The following SNW1 variants were observed in gnomAD, a reference collection of about 807,000 sequenced individuals.
SNW1 encodes the protein SNW domain containing 1.
SNW1 carries 9 observed loss-of-function variants against 75.6 expected under a neutral mutation model. The ratio of observed to expected loss-of-function variants is 0.12; its 90% CI spans 0.07 to 0.21. The LOEUF (loss-of-function observed/expected upper bound fraction) is 0.21, where lower values mean the gene tolerates loss of function less well. Among genes scored for constraint, SNW1 ranks in the 10% least tolerant of loss-of-function variants. The pLI, the probability that SNW1 is intolerant of heterozygous loss-of-function variation, is 1.00. For missense variants in SNW1, 409 were observed against 670.9 expected (o/e 0.61, Z 4.31); for synonymous variants, 200 against 219.1 (o/e 0.91, Z 0.77).
At chr14:77,756,209 C>T (rs1430882253) in intron 1 of SNW1, among the ~76,000 whole-genome samples, 2 of 151,986 alleles carry the variant, frequency 1.3e-5, no homozygotes, top group African/African-American at 2.4e-5. Flanking sequence ...AAACCTCTGT[C>T]GCCTGGATTC....
chr14:77,719,620 G>A (rs952147290), intron 12 of SNW1, among the ~76,000 whole-genome samples: 6 of 149,090 alleles, frequency 4.0e-5, no homozygotes, highest in African/African-American at 9.9e-5. Flanking sequence ...CAGCCTGGGC[G>A]ACAGAGTGGG....
At chr14:77,751,735 T>C (rs540174299) in intron 2 of SNW1, among the ~76,000 whole-genome samples, 1 of 150,948 alleles carries the variant, frequency 6.6e-6, no homozygotes, top group South Asian at 2.1e-4. Flanking sequence ...GATAGGGTGG[T>C]TGGGGACAGC....
At chr14:77,732,229 T>C (rs1477376008) in intron 9 of SNW1, among the ~76,000 whole-genome samples, 1 of 152,096 alleles carries the variant, frequency 6.6e-6, no homozygotes, top group Admixed American at 6.5e-5. Flanking sequence ...CTTCAAAAAA[T>C]GGGATCATCC....
intron 1 of SNW1, among the ~76,000 whole-genome samples, chr14:77,755,720 CTTCCGTAT>C (rs887913502): frequency 2.0e-5 from 3 of 150,598 alleles, no homozygotes; most frequent in Non-Finnish European, 3.0e-5. Flanking sequence ...CCTGGCCATG[CTTCCGTAT>C]TTCCATATTT....
intron 1 of SNW1, 82 bp from the exon 2 acceptor site, chr14:77,755,202 A>AGG (rs2080835253): frequency 1.6e-6 from 2 of 1,250,208 alleles, no homozygotes; most frequent in Non-Finnish European, 2.2e-6. Context: ...CACAGAGACA[A>AGG]TTTTTCCTAC....
chr14:77,718,562 T>G, intron 12 of SNW1, 32 bp from the exon 13 acceptor site: 1 of 1,394,884 alleles, frequency 7.2e-7, no homozygotes, highest in East Asian at 2.3e-5. Flanking sequence ...TAAATAAAAG[T>G]GTAAACATTG....
At chr14:77,745,091 C>A (rs2080751467) in intron 3 of SNW1, among the ~76,000 whole-genome samples, 1 of 152,110 alleles carries the variant, frequency 6.6e-6, no homozygotes, top group Non-Finnish European at 1.5e-5. Context: ...AATATATAAT[C>A]CCTGCCCTTA....
intron 3 of SNW1, among the ~76,000 whole-genome samples, chr14:77,741,096 CAAAAAAA>C (rs60307573): frequency 3.4e-5 from 3 of 87,304 alleles, no homozygotes; most frequent in Admixed American, 1.4e-4. Flanking sequence ...AAACTGTCTC[CAAAAAAA>C]AAAAAAAAAA....
chr14:77,737,813 G>A (rs2080684830), intron 5 of SNW1, among the ~76,000 whole-genome samples: 1 of 151,886 alleles, frequency 6.6e-6, no homozygotes, highest in African/African-American at 2.4e-5. Flanking sequence ...CCAACGTGGT[G>A]AAACCCTGTC....
chr14:77,747,558 G>C (rs1329197490), intron 3 of SNW1, among the ~76,000 whole-genome samples: 2 of 151,622 alleles, frequency 1.3e-5, no homozygotes, highest in Non-Finnish European at 2.9e-5. Context: ...GAGCACCTCT[G>C]CCCAGCCGGG....
At chr14:77,745,352 G>A (rs1209740752) in intron 3 of SNW1, among the ~76,000 whole-genome samples, 1 of 152,188 alleles carries the variant, frequency 6.6e-6, no homozygotes. Context: ...GAGAGAATGT[G>A]TCATATTATG....
intron 2 of SNW1, among the ~76,000 whole-genome samples, chr14:77,754,205 TGGC>T (rs1489959978): frequency 1.8e-4 from 28 of 151,424 alleles, no homozygotes; most frequent in African/African-American, 6.8e-4. Flanking sequence ...CCACCACACC[TGGC>T]TAATTTTGTA....
intron 3 of SNW1, among the ~76,000 whole-genome samples, chr14:77,740,961 G>T (rs2080713605): frequency 6.6e-6 from 1 of 151,850 alleles, no homozygotes; most frequent in Admixed American, 6.6e-5. Flanking sequence ...ACCAGGCATG[G>T]TGGTGGGTGC....
chr14:77,741,456 T>C (rs1168387143), intron 3 of SNW1, among the ~76,000 whole-genome samples: 1 of 152,190 alleles, frequency 6.6e-6, no homozygotes, highest in Non-Finnish European at 1.5e-5. Flanking sequence ...CTCATGGCTA[T>C]ACACTAAAAT....
chr14:77,719,326 T>C (rs1198939198), intron 12 of SNW1, among the ~76,000 whole-genome samples: 1 of 152,150 alleles, frequency 6.6e-6, no homozygotes, highest in Non-Finnish European at 1.5e-5. Context: ...TAAGTTGCCA[T>C]TGTATAGTGG....
chr14:77,734,706 C>A (rs1438033933), intron 8 of SNW1, among the ~76,000 whole-genome samples: 1 of 151,602 alleles, frequency 6.6e-6, no homozygotes, highest in African/African-American at 2.4e-5. Context: ...CCACCGTACT[C>A]CAGCCTAGTG....
intron 3 of SNW1, among the ~76,000 whole-genome samples, chr14:77,750,557 T>C (rs2080799351): frequency 6.6e-6 from 1 of 152,146 alleles, no homozygotes; most frequent in South Asian, 2.1e-4. Context: ...TGAAAAAGTT[T>C]GGCGGGGAGA....
Position 77,718,595 on chromosome 14 carries a change from C to A in SNW1, c.1249-65G>T, listed in dbSNP as rs780393855. ...TTGTTTATCAAAAGCTGAATCATAA[C>A]ATGTTTACAGTAAACCCTTGCTAAT... On this transcript the variant is annotated intron_variant, in intron 12 of 13. Transcript: ENST00000261531. 287 of 1,112,144 alleles carry A rather than the reference C, an allele frequency of 2.6e-4. 1 individual carries two copies. Among genetic ancestry groups the A allele is most frequent in the Middle Eastern group, 1.6e-3 (8 of 4,918 alleles). The allele number at this position is 1,112,144 out of a possible 1,614,324, so 68.9% of individuals were successfully genotyped here.
Position 77,755,011 on chromosome 14 carries a change from G to T in SNW1, c.124C>A (p.Pro42Thr), listed in dbSNP as rs778855649. 6 of 1,610,238 alleles carry T rather than the reference G, an allele frequency of 3.7e-6. No homozygotes were observed. Among genetic ancestry groups the T allele is most frequent in the Non-Finnish European group, 5.1e-6 (6 of 1,178,470 alleles). Reference protein sequence around the residue: ...TSLVSSRREPPPYGYRKGWIP... With the variant: ...TSLVSSRREPTPYGYRKGWIP... ...CAGCCTTTCCGGTATCCGTACGGGG[G>T]AGGTTCTCTTCGGGAGGAGACCAGT... Residue 42 changes from proline (P) to threonine (T), a missense_variant, in exon 2 of 14, where the codon CCC becomes ACC. This residue lies in a region of SNW1 where 73 missense variants were observed against 68.3 expected (regional missense o/e 1.07). Coordinates refer to ENST00000261531, the MANE Select transcript of SNW1 (RefSeq NM_012245.3).
Sources: allele counts gnomAD v4.1 joint callset (sites outside exome capture counted in the v4.1 genomes callset), GRCh38; gene constraint gnomAD v4.1.1; regional missense constraint gnomAD v4.1.1; transcripts MANE v1.5; gene names NCBI Gene and HGNC (gene_info 2026-07-23, HGNC 2026-07-21).